Variants in DDR2 observed in about 807,000 individuals in gnomAD.
DDR2 encodes the protein discoidin domain-containing receptor 2.
A neutral mutation model predicts 94.9 loss-of-function variants in DDR2; 27 were observed. The observed-to-expected ratio is 0.28, with a 90% CI of 0.21 to 0.39. DDR2 has a LOEUF of 0.39. Among genes scored for constraint, DDR2 ranks in the 10% least tolerant of loss-of-function variants. The pLI, the probability that DDR2 is intolerant of heterozygous loss-of-function variation, is 1.00. For missense variants in DDR2, 783 were observed against 1,076.0 expected (o/e 0.73, Z 3.81); for synonymous variants, 382 against 377.2 (o/e 1.01, Z -0.15).
At chr1:162,735,522 G>A (rs1428457003) in intron 3 of DDR2, among the ~76,000 whole-genome samples, 1 of 152,184 alleles carries the variant, frequency 6.6e-6, no homozygotes, top group African/African-American at 2.4e-5. Flanking sequence ...GAGTTTCCAG[G>A]TGATGCTGAT....
At chr1:162,656,574 CTTCCTTCCTCCCTCCT>C (rs1435059845) in intron 2 of DDR2, among the ~76,000 whole-genome samples, 2 of 151,878 alleles carry the variant, frequency 1.3e-5, no homozygotes, top group Admixed American at 1.3e-4. Flanking sequence ...CCCTCCCTTT[CTTCCTTCCTCCCTCCT>C]TTCCTTCCTC....
chr1:162,768,764 A>G (rs2102177040), intron 11 of DDR2, among the ~76,000 whole-genome samples: 1 of 152,332 alleles, frequency 6.6e-6, no homozygotes, highest in Non-Finnish European at 1.5e-5. Flanking sequence ...TCCCACAAGT[A>G]TGTCTACCAG....
chr1:162,677,320 T>A (rs1404396079), intron 2 of DDR2, among the ~76,000 whole-genome samples: 1 of 152,134 alleles, frequency 6.6e-6, no homozygotes, highest in African/African-American at 2.4e-5. Context: ...TTACTGAGGG[T>A]TTACTGTGGA....
intron 2 of DDR2, among the ~76,000 whole-genome samples, chr1:162,696,442 A>AGGGTGTGTTTGTTTGGCTGT (rs1660195608): frequency 6.6e-6 from 1 of 150,752 alleles, no homozygotes; most frequent in Non-Finnish European, 1.5e-5. Flanking sequence ...GCTCTGGCTG[A>AGGGTGTGTTTGTTTGGCTGT]GGGTGTGTTT....
At chr1:162,755,105 G>A in intron 5 of DDR2, 51 bp from the exon 6 acceptor site, 1 of 1,612,970 alleles carries the variant, frequency 6.2e-7, no homozygotes, top group Non-Finnish European at 8.5e-7. Flanking sequence ...GTGAAGAAAA[G>A]TGAGCATGAT....
chr1:162,641,664 A>G (rs137882684), intron 1 of DDR2, among the ~76,000 whole-genome samples: 4 of 152,330 alleles, frequency 2.6e-5, no homozygotes, highest in African/African-American at 9.6e-5. Flanking sequence ...TTGAAATGTC[A>G]TATACTATAG....
At chr1:162,667,112 A>G (rs534295663) in intron 2 of DDR2, among the ~76,000 whole-genome samples, 10 of 152,090 alleles carry the variant, frequency 6.6e-5, no homozygotes, top group Non-Finnish European at 2.9e-5. Context: ...TGGCAGAATC[A>G]TTTGTTGTTT....
intron 2 of DDR2, among the ~76,000 whole-genome samples, chr1:162,711,042 C>A (rs1410226350): frequency 5.9e-5 from 9 of 152,310 alleles, no homozygotes; most frequent in Admixed American, 2.0e-4. Context: ...AAAGTCGAGG[C>A]CACCTCAGAT....
intron 3 of DDR2, chr1:162,741,769 G>C: frequency 1.0e-6 from 1 of 985,290 alleles, no homozygotes; most frequent in Non-Finnish European, 1.2e-6. Context: ...GCCAATGTGA[G>C]CGTTCTGATA....
At chr1:162,665,956 T>C (rs2101928045) in intron 2 of DDR2, among the ~76,000 whole-genome samples, 1 of 152,354 alleles carries the variant, frequency 6.6e-6, no homozygotes, top group East Asian at 1.9e-4. Flanking sequence ...ACTCCTAACA[T>C]GACCAGAGCC....
At chr1:162,765,458 C>G (rs917381674) in intron 9 of DDR2, among the ~76,000 whole-genome samples, 1 of 152,114 alleles carries the variant, frequency 6.6e-6, no homozygotes, top group Non-Finnish European at 1.5e-5. Context: ...CTGGCAAATA[C>G]GCTTTTGTGG....
intron 2 of DDR2, among the ~76,000 whole-genome samples, chr1:162,702,171 C>T (rs529318872): frequency 3.1e-4 from 47 of 152,272 alleles, no homozygotes; most frequent in African/African-American, 1.1e-3. Flanking sequence ...GCTTCCTCCT[C>T]ACGTGGCGTT....
In DDR2 at chr1:162,781,845, G is replaced by A. The variant is rs1647922591; in HGVS notation, c.*1599G>A. 1 of 152,176 alleles carries A rather than the reference G, an allele frequency of 6.6e-6. No individual in the cohort carries two copies. Among genetic ancestry groups the A allele is most frequent in the Non-Finnish European group, 1.5e-5 (1 of 68,036 alleles). The allele number at this position is 152,176 out of a possible 1,614,324, so 9.4% of individuals were successfully genotyped here. ...AGAAACAAGAAAACATTACAAATCA[G>A]TTTCCCAAGCTGAGAAGGATTAGCC... is the stretch of plus-strand genomic sequence containing the variant. On this transcript the variant is annotated 3_prime_UTR_variant, in exon 18 of 18. Coordinates refer to ENST00000367921, the MANE Select transcript of DDR2 (RefSeq NM_006182.4).
At chr1:162,695,248 T>G (rs1432783234) in intron 2 of DDR2, among the ~76,000 whole-genome samples, 1 of 152,164 alleles carries the variant, frequency 6.6e-6, no homozygotes, top group Non-Finnish European at 1.5e-5. Context: ...TCTTTTTTTG[T>G]TGAGACAGAG....
intron 11 of DDR2, among the ~76,000 whole-genome samples, chr1:162,769,826 T>C (rs1342641288): frequency 6.6e-6 from 1 of 152,218 alleles, no homozygotes; most frequent in African/African-American, 2.4e-5. Context: ...GTGGTGGGTA[T>C]TATCCTAATC....
In DDR2 at chr1:162,784,820, T is replaced by A. The variant is rs1002103036; in HGVS notation, c.*4574T>A. 4 of 152,206 alleles carry A rather than the reference T, an allele frequency of 2.6e-5. No individual in the cohort carries two copies. The highest frequency in any genetic ancestry group is 2.6e-4 in the Admixed American group (4 of 15,274). 9.4% of individuals were successfully genotyped at this position (152,206 alleles called of 1,614,324 possible). A position where few individuals can be genotyped will look rare whatever the true frequency, so the allele number is the denominator to read the frequency against. On this transcript the variant is annotated 3_prime_UTR_variant, in exon 18 of 18. Transcript: ENST00000367921. ...TCCCCATTTATAACATTTCACTTAG[T>A]CCATTTTCGGAACCAGAAAATTAAC...
intron 2 of DDR2, among the ~76,000 whole-genome samples, chr1:162,710,753 C>A (rs1660870961): frequency 8.7e-6 from 1 of 115,250 alleles, no homozygotes. Flanking sequence ...GCAAGTGCCA[C>A]ACACAGTCAT....
chr1:162,701,702 G>A (rs1315297138), intron 2 of DDR2, among the ~76,000 whole-genome samples: 1 of 152,138 alleles, frequency 6.6e-6, no homozygotes, highest in Non-Finnish European at 1.5e-5. Flanking sequence ...TCCAGTAGTG[G>A]GGAGCTCATA....
chr1:162,720,277 A>G (rs1264946188), intron 3 of DDR2, among the ~76,000 whole-genome samples: 6 of 152,142 alleles, frequency 3.9e-5, no homozygotes, highest in Non-Finnish European at 8.8e-5. Context: ...CTATACCAGC[A>G]CTTTAGAAGC....
Sources: gnomAD v4.1 joint callset for allele counts (sites outside exome capture counted in the v4.1 genomes callset) on GRCh38, gnomAD v4.1.1 for gene constraint, MANE v1.5 for transcripts, NCBI Gene and HGNC (gene_info 2026-07-23, HGNC 2026-07-21) for gene names.